The following NCKAP1L variants were observed in gnomAD, a reference collection of about 807,000 sequenced individuals.
NCKAP1L encodes the protein NCK associated protein 1 like.
NCKAP1L carries 53 observed loss-of-function variants against 139.2 expected under a neutral mutation model. The observed-to-expected ratio is 0.38, with a 90% CI of 0.31 to 0.48. The LOEUF (loss-of-function observed/expected upper bound fraction) is 0.48. NCKAP1L is among the 20% of genes least tolerant of loss of function. The probability of loss-of-function intolerance (pLI) is 0.98; values close to 1 mark genes in which losing one functional copy is unlikely to be tolerated. For missense variants in NCKAP1L, 1,151 were observed against 1,381.9 expected (o/e 0.83, Z 2.65); for synonymous variants, 468 against 499.7 (o/e 0.94, Z 0.85).
Position 54,547,503 on chromosome 12 carries a change from C to CGTGTGT in NCKAP1L, c.*4844_*4849dup, listed in dbSNP as rs10691039. 0.44 allele frequency: 65,110 copies of CGTGTGT among 146,584 alleles called. 15,823 individuals carry two copies. Among genetic ancestry groups the CGTGTGT allele is most frequent in the South Asian group, 0.58 (2,645 of 4,532 alleles). 9.1% of individuals were successfully genotyped at this position (146,584 alleles called of 1,614,324 possible). A position where few individuals can be genotyped will look rare whatever the true frequency, so the allele number is the denominator to read the frequency against. On this transcript the variant is annotated 3_prime_UTR_variant, in exon 31 of 31. Coordinates refer to ENST00000293373, the MANE Select transcript of NCKAP1L (RefSeq NM_005337.5). ...TCACGAATAACTTTGTGTGTGTGTG[C>CGTGTGT]GTGTGTGTGTGTGTGTGTGTGTGTG...
chr12:54,539,713 A>T (rs1957142518), intron 30 of NCKAP1L, among the ~76,000 whole-genome samples: 1 of 152,136 alleles, frequency 6.6e-6, no homozygotes, highest in South Asian at 2.1e-4. Flanking sequence ...GCCCTCCTTG[A>T]GCCTTCCTCT....
intron 1 of NCKAP1L, 112 bp downstream of exon 1, chr12:54,498,003 C>T (rs1956764584): frequency 1.5e-6 from 1 of 673,434 alleles, no homozygotes; most frequent in Non-Finnish European, 2.7e-6. Context: ...ACTGCTTTTC[C>T]ACTGACTATA....
intron 5 of NCKAP1L, among the ~76,000 whole-genome samples, chr12:54,508,801 T>C (rs967182959): frequency 2.0e-5 from 3 of 152,206 alleles, no homozygotes. Context: ...AATCCACCCT[T>C]AACAGAGGGC....
At chr12:54,531,121 A>T in intron 22 of NCKAP1L, 139 bp from the exon 23 acceptor site, 1 of 678,474 alleles carries the variant, frequency 1.5e-6, no homozygotes, top group Non-Finnish European at 2.5e-6. Flanking sequence ...GTAGGATTTT[A>T]GGCTATTTTT....
chr12:54,527,891 G>A (rs915553017), intron 21 of NCKAP1L, among the ~76,000 whole-genome samples: 24 of 152,184 alleles, frequency 1.6e-4, no homozygotes, highest in African/African-American at 5.8e-4. Context: ...TAATTAAGTA[G>A]TGACTTTTTT....
At chr12:54,515,600 A>G (rs1167284114) in intron 9 of NCKAP1L, among the ~76,000 whole-genome samples, 1 of 152,202 alleles carries the variant, frequency 6.6e-6, no homozygotes, top group Non-Finnish European at 1.5e-5. Context: ...GAGAGAGTAT[A>G]GGTGTCTCTT....
intron 4 of NCKAP1L, 38 bp from the exon 5 acceptor site, chr12:54,508,351 C>A (rs1332878146): frequency 6.8e-6 from 11 of 1,610,236 alleles, no homozygotes; most frequent in South Asian, 1.1e-5. Context: ...GGTTAATTGG[C>A]CATGCTGTCC....
At chr12:54,530,199 T>C (rs561500559) in intron 22 of NCKAP1L, among the ~76,000 whole-genome samples, 9 of 152,360 alleles carry the variant, frequency 5.9e-5, no homozygotes, top group Non-Finnish European at 8.8e-5. Context: ...TGAACTCTTA[T>C]TAGCGATATT....
chr12:54,520,607 C>A, intron 16 of NCKAP1L, 87 bp from the exon 17 acceptor site: 1 of 1,409,188 alleles, frequency 7.1e-7, no homozygotes, highest in Non-Finnish European at 1.0e-6. Context: ...AGCTCTTAAA[C>A]TCTATTTTTC....
In NCKAP1L at chr12:54,547,788, G is replaced by A. The variant is rs1367150740; in HGVS notation, c.*5103G>A. On this transcript the variant is annotated 3_prime_UTR_variant, in exon 31 of 31. Transcript: ENST00000293373. ...CCATTTCATTTTCAGTTGATAAGGA[G>A]GAGATTGCTCCCAAATTTTCAGAAA... The A allele has an allele frequency of 1.3e-5, 2 of 152,168 alleles. No homozygotes were observed. The highest frequency in any genetic ancestry group is 4.8e-5 in the African/African-American group (2 of 41,432). The allele number at this position is 152,168 out of a possible 1,614,324, so 9.4% of individuals were successfully genotyped here.
rs752685583 is a variant in NCKAP1L at position 54,526,577 on chromosome 12, C to T, written c.2206C>T (p.Arg736Trp). 6 of 1,614,024 alleles carry T rather than the reference C, an allele frequency of 3.7e-6. No individual in the cohort carries two copies. Among genetic ancestry groups the T allele is most frequent in the African/African-American group, 1.3e-5 (1 of 74,988 alleles). The change falls in exon 21 of 31, where the codon CGG becomes TGG. Residue 736 changes from arginine (R) to tryptophan (W), a missense_variant. Arg to Trp is a moderately radical substitution (Grantham distance 101, BLOSUM62 -3). Transcript: ENST00000293373. The part of the protein sequence containing the change: ...GYNATTQEIV[R>W]PSELLAGVKA... ...CAATGCCACGACCCAGGAGATCGTACGGCCTTCTGAGCTGTTGGCAGGAGT... is the reference window on the plus strand; with the variant it reads ...CAATGCCACGACCCAGGAGATCGTATGGCCTTCTGAGCTGTTGGCAGGAGT...
chr12:54,515,394 T>C (rs17113007), intron 9 of NCKAP1L, among the ~76,000 whole-genome samples: 4,711 of 152,282 alleles, frequency 0.031, 245 homozygotes, highest in African/African-American at 0.11. Flanking sequence ...TCTAAGATAA[T>C]GCTGGGATTC....
At chr12:54,539,477 G>A (rs1323991093) in intron 30 of NCKAP1L, among the ~76,000 whole-genome samples, 1 of 152,228 alleles carries the variant, frequency 6.6e-6, no homozygotes, top group Non-Finnish European at 1.5e-5. Context: ...CATGAATCAG[G>A]CAGCTCCTGC....
At chr12:54,517,750 G>T (rs1956945593) in intron 12 of NCKAP1L, 56 bp from the exon 13 acceptor site, 2 of 1,607,074 alleles carry the variant, frequency 1.2e-6, no homozygotes, top group Non-Finnish European at 1.7e-6. Context: ...CACTGTGTTT[G>T]TCTCAGTTCA....
chr12:54,502,671 G>T (rs1013781223), intron 3 of NCKAP1L, among the ~76,000 whole-genome samples: 5 of 151,750 alleles, frequency 3.3e-5, no homozygotes, highest in Admixed American at 6.6e-5. Context: ...AACATACACA[G>T]GAAATATATC....
At position 54,542,605 on chromosome 12, in the gene NCKAP1L, G is replaced by A; in HGVS notation, c.3304G>A (p.Asp1102Asn). 2 of 1,614,126 alleles carry A rather than the reference G, an allele frequency of 1.2e-6. No homozygotes were observed. Among genetic ancestry groups the A allele is most frequent in the African/African-American group, 2.7e-5 (2 of 75,036 alleles). Residue 1102 changes from aspartate to asparagine, a missense_variant, in exon 31 of 31, where the codon GAC becomes AAC. Asp to Asn is a conservative substitution (Grantham distance 23). Transcript: ENST00000293373. ...VVEESSFLTL[D>N]MLESCFPYVL... Reference sequence around the variant, plus strand: ...GGAGGAGTCATCCTTCCTGACCCTGGACATGCTGGAGTCCTGTTTCCCTTA... The same window carrying A: ...GGAGGAGTCATCCTTCCTGACCCTGAACATGCTGGAGTCCTGTTTCCCTTA...
At chr12:54,526,027 C>T (rs921653801) in intron 20 of NCKAP1L, among the ~76,000 whole-genome samples, 2 of 152,128 alleles carry the variant, frequency 1.3e-5, no homozygotes, top group African/African-American at 4.8e-5. Flanking sequence ...TCAGCCCTGG[C>T]GTGCCATGGC....
chr12:54,520,582 C>T lies in NCKAP1L; in HGVS notation c.1626-112C>T, dbSNP rs75711696. On this transcript the variant is annotated intron_variant, in intron 16 of 30. Coordinates refer to ENST00000293373, the MANE Select transcript of NCKAP1L (RefSeq NM_005337.5). ...TTTTTGAAAGAATGAATATCCTCTCCGCCTCAAAGGGACTAGCTCTTAAAC... is the reference window on the plus strand; with the variant it reads ...TTTTTGAAAGAATGAATATCCTCTCTGCCTCAAAGGGACTAGCTCTTAAAC... 1.4e-3 allele frequency: 1,502 copies of T among 1,047,392 alleles called. 14 individuals are homozygous for T. In the African/African-American group the frequency reaches 0.019, roughly 13 times the overall value. 64.9% of individuals were successfully genotyped at this position (1,047,392 alleles called of 1,614,324 possible).
chr12:54,519,613 C>A (rs114208004), intron 16 of NCKAP1L, among the ~76,000 whole-genome samples: 2 of 151,756 alleles, frequency 1.3e-5, no homozygotes. Context: ...CTGGCCTCTG[C>A]GGAGGACTGT....
Sources: allele counts gnomAD v4.1 joint callset (sites outside exome capture counted in the v4.1 genomes callset), GRCh38; gene constraint gnomAD v4.1.1; transcripts MANE v1.5; gene names NCBI Gene and HGNC (gene_info 2026-07-23, HGNC 2026-07-21).